The following ARNT2 variants were observed in gnomAD, a reference collection of about 807,000 sequenced individuals.
ARNT2 encodes the protein ARNT protein 2.
ARNT2 carries 36 observed loss-of-function variants against 91.7 expected under a neutral mutation model. The observed-to-expected ratio is 0.39, with a 90% CI of 0.30 to 0.52. ARNT2 has a LOEUF of 0.52. Ranked by LOEUF, ARNT2 falls within the 20% of genes least tolerant of loss-of-function variation. The probability of loss-of-function intolerance (pLI) is 0.72; values close to 1 mark genes in which losing one functional copy is unlikely to be tolerated. For synonymous variants in ARNT2, 365 were observed against 347.1 expected (o/e 1.05, Z -0.57); for missense variants, 775 against 939.3 (o/e 0.83, Z 2.29).
In ARNT2 at chr15:80,580,528, T is replaced by A. The variant is rs201621518; in HGVS notation, c.1731T>A (p.Ser577Arg). The A allele has an allele frequency of 6.4e-5, 103 of 1,613,448 alleles. No individual in the cohort carries two copies. The highest frequency in any genetic ancestry group is 8.5e-5 in the Non-Finnish European group (100 of 1,179,898). ...AGAGTCAGGTGGCATGGACAGGGAG[T>A]CGTCCGCCCTTTCCGGGACAGGTAT... The part of the protein sequence containing the change: ...LNQSQVAWTG[S>R]RPPFPGQQIP... Residue 577 changes from serine (S) to arginine (R), a missense_variant, in exon 16 of 19, where the codon AGT (serine) becomes AGA (arginine). By Grantham distance (110) the Ser-to-Arg change is moderately radical. Around this residue, in one of 5 missense-constraint regions of ARNT2, gnomAD observed 325 missense variants for 359.9 expected, o/e 0.90. Coordinates refer to ENST00000303329, the MANE Select transcript of ARNT2 (RefSeq NM_014862.4).
intron 14 of ARNT2, among the ~76,000 whole-genome samples, chr15:80,576,170 C>T (rs1898670526): frequency 1.3e-5 from 2 of 152,200 alleles, no homozygotes; most frequent in Non-Finnish European, 2.9e-5. Context: ...AAGAGTCCAT[C>T]CTCTTCGCTG....
intron 6 of ARNT2, among the ~76,000 whole-genome samples, chr15:80,508,912 A>G (rs1345857839): frequency 1.3e-5 from 2 of 152,210 alleles, no homozygotes; most frequent in African/African-American, 4.8e-5. Context: ...TGAATCCTCC[A>G]GTCCAGTTCA....
chr15:80,560,792 T>G (rs1328349991), intron 11 of ARNT2, among the ~76,000 whole-genome samples: 2 of 152,296 alleles, frequency 1.3e-5, no homozygotes, highest in Middle Eastern at 6.8e-3. Flanking sequence ...CAGGTTGCTG[T>G]TGGGGCCGCA....
intron 5 of ARNT2, among the ~76,000 whole-genome samples, chr15:80,503,872 T>A (rs1408410179): frequency 6.6e-6 from 1 of 152,158 alleles, no homozygotes; most frequent in Non-Finnish European, 1.5e-5. Flanking sequence ...GATTGCTGGG[T>A]CTTTGTAGAG....
chr15:80,470,935 G>A (rs975233372), intron 4 of ARNT2, among the ~76,000 whole-genome samples: 1 of 152,344 alleles, frequency 6.6e-6, no homozygotes, highest in Middle Eastern at 3.4e-3. Flanking sequence ...TGGTGGGAGT[G>A]TAAACTAGCT....
Position 80,474,266 on chromosome 15 carries a change from A to G in ARNT2, c.409-744A>G, listed in dbSNP as rs184392417. On this transcript the variant is annotated intron_variant, in intron 4 of 18. Transcript: ENST00000303329. ...GATCCCAGTTTCCTCCCTGCCTTCAATGACAGTCATGACCCCAATGAATCA... is the reference window on the plus strand; with the variant it reads ...GATCCCAGTTTCCTCCCTGCCTTCAGTGACAGTCATGACCCCAATGAATCA... Among the ~76,000 whole-genome samples the G allele has an allele frequency of 7.2e-5, 11 of 152,278 alleles. No individual in the cohort carries two copies. The East Asian group carries it at 2.1e-3, about 29-fold the overall frequency.
intron 2 of ARNT2, among the ~76,000 whole-genome samples, chr15:80,455,131 T>C (rs1896462333): frequency 6.6e-6 from 1 of 152,166 alleles, no homozygotes; most frequent in Admixed American, 6.5e-5. Flanking sequence ...AAGTAGAGAA[T>C]CCAAGATGGT....
intron 6 of ARNT2, among the ~76,000 whole-genome samples, chr15:80,510,252 T>C (rs1437191343): frequency 1.3e-5 from 2 of 152,012 alleles, no homozygotes; most frequent in African/African-American, 4.8e-5. Context: ...TTCTCTAAGA[T>C]GGAAAAGGTT....
At chr15:80,569,277 T>A (rs1898542927) in intron 12 of ARNT2, among the ~76,000 whole-genome samples, 1 of 152,202 alleles carries the variant, frequency 6.6e-6, no homozygotes, top group South Asian at 2.1e-4. Context: ...AAGCCGCACT[T>A]GATGCATTCA....
intron 8 of ARNT2, among the ~76,000 whole-genome samples, chr15:80,550,393 G>A (rs1898063264): frequency 6.6e-6 from 1 of 152,138 alleles, no homozygotes; most frequent in Non-Finnish European, 1.5e-5. Flanking sequence ...CCCTTGGTCC[G>A]ACCCAGTGTG....
intron 1 of ARNT2, among the ~76,000 whole-genome samples, chr15:80,406,295 C>T (rs1895600396): frequency 6.6e-6 from 1 of 152,206 alleles, no homozygotes; most frequent in African/African-American, 2.4e-5. Context: ...GACAAGGAGG[C>T]CTCTGTCCAG....
intron 3 of ARNT2, among the ~76,000 whole-genome samples, chr15:80,458,524 C>T (rs944237680): frequency 2.6e-5 from 4 of 152,140 alleles, no homozygotes; most frequent in Non-Finnish European, 4.4e-5. Context: ...CCCCTGGCCA[C>T]GTGACAGCAT....
At chr15:80,500,163 C>T (rs1021410590) in intron 5 of ARNT2, among the ~76,000 whole-genome samples, 1 of 152,192 alleles carries the variant, frequency 6.6e-6, no homozygotes, top group Non-Finnish European at 1.5e-5. Flanking sequence ...CTGGTTGGAT[C>T]CCTGTCCTAT....
intron 8 of ARNT2, among the ~76,000 whole-genome samples, chr15:80,530,153 A>G (rs1162615004): frequency 1.3e-5 from 2 of 152,154 alleles, no homozygotes; most frequent in Non-Finnish European, 2.9e-5. Context: ...AGAGTTGAGA[A>G]TGGTTCCATC....
chr15:80,475,292 C>T (rs775196172), intron 5 of ARNT2, 69 bp downstream of exon 5: 11 of 1,511,820 alleles, frequency 7.3e-6, no homozygotes, highest in African/African-American at 4.1e-5. Context: ...TGGTGGCTCA[C>T]GCCTGTAATC....
At chr15:80,559,409 A>T (rs1313030458) in intron 11 of ARNT2, among the ~76,000 whole-genome samples, 1 of 152,092 alleles carries the variant, frequency 6.6e-6, no homozygotes, top group African/African-American at 2.4e-5. Flanking sequence ...AGCACACCGC[A>T]CCTCGGCCCC....
chr15:80,442,650 A>G, intron 1 of ARNT2, among the ~76,000 whole-genome samples: 1 of 152,270 alleles, frequency 6.6e-6, no homozygotes, highest in Non-Finnish European at 1.5e-5. Context: ...AGCCAGAGCT[A>G]GAAGTAGGCT....
intron 8 of ARNT2, among the ~76,000 whole-genome samples, chr15:80,550,900 T>C (rs1186693324): frequency 6.6e-6 from 1 of 152,266 alleles, no homozygotes; most frequent in Admixed American, 6.5e-5. Context: ...ATATCCTAAA[T>C]AAATGTTTTG....
chr15:80,484,235 T>C (rs1446322606), intron 5 of ARNT2, among the ~76,000 whole-genome samples: 2 of 151,854 alleles, frequency 1.3e-5, no homozygotes, highest in Non-Finnish European at 2.9e-5. Context: ...AACACTGTTA[T>C]TGAGTTTCTG....
Sources: allele counts gnomAD v4.1 joint callset (sites outside exome capture counted in the v4.1 genomes callset), GRCh38; gene constraint gnomAD v4.1.1; regional missense constraint gnomAD v4.1.1; transcripts MANE v1.5; gene names NCBI Gene and HGNC (gene_info 2026-07-23, HGNC 2026-07-21).